Variants in GRB14 observed in about 807,000 individuals in gnomAD.
GRB14 encodes the protein growth factor receptor-bound protein 14.
GRB14 carries 38 observed loss-of-function variants against 69.1 expected under a neutral mutation model. That is an observed-to-expected ratio of 0.55 (90% confidence interval 0.42 to 0.72). The LOEUF is 0.72. Among genes scored for constraint, GRB14 ranks in the 30% least tolerant of loss-of-function variants. The probability of loss-of-function intolerance (pLI) is 0.00; values close to 1 mark genes in which losing one functional copy is unlikely to be tolerated. For missense variants in GRB14, 666 were observed against 666.1 expected, an observed-to-expected ratio of 1.00 and a Z score of 0.00; for synonymous variants, 247 against 241.3, an observed-to-expected ratio of 1.02 and a Z score of -0.22.
chr2:164,573,420 A>T (rs1021733864), intron 2 of GRB14, among the ~76,000 whole-genome samples: 6 of 152,194 alleles, frequency 3.9e-5, no homozygotes, highest in Non-Finnish European at 5.9e-5. Context: ...GAAAATGTAG[A>T]TATTCTTTCA....
At chr2:164,620,910 C>G (rs1690441903) in intron 1 of GRB14, among the ~76,000 whole-genome samples, 1 of 152,198 alleles carries the variant, frequency 6.6e-6, no homozygotes, top group Non-Finnish European at 1.5e-5. Flanking sequence ...TGAGAGCTCT[C>G]AATGAAACGG....
intron 6 of GRB14, among the ~76,000 whole-genome samples, chr2:164,515,040 C>T (rs1007734494): frequency 6.6e-6 from 1 of 152,164 alleles, no homozygotes; most frequent in East Asian, 1.9e-4. Context: ...CCATCCCCTA[C>T]AGCAGCCGCA....
rs565564245 is a variant in GRB14, at chr2:164,579,863, T to C, written c.325-32047A>G. ...AAGGAAAACAAGAGAACAGAGGAGATCATAAAGTGGTTATTTTTAATGTAT... is the reference window on the plus strand; with the variant it reads ...AAGGAAAACAAGAGAACAGAGGAGACCATAAAGTGGTTATTTTTAATGTAT... On this transcript the variant is annotated intron_variant, in intron 2 of 13. Transcript: ENST00000263915. 1.1e-4 allele frequency among the ~76,000 whole-genome samples: 17 copies of C among 152,220 alleles called. No homozygotes were observed. The East Asian group carries it at 3.3e-3, about 29-fold the overall frequency.
chr2:164,574,776 C>T (rs1280082427), intron 2 of GRB14, among the ~76,000 whole-genome samples: 1 of 151,548 alleles, frequency 6.6e-6, no homozygotes, highest in Non-Finnish European at 1.5e-5. Context: ...CCCTGTCTCT[C>T]TACAAAAAAT....
intron 3 of GRB14, among the ~76,000 whole-genome samples, chr2:164,543,904 T>C (rs575344520): frequency 6.6e-6 from 1 of 152,328 alleles, no homozygotes; most frequent in Non-Finnish European, 1.5e-5. Context: ...AGTACCTCAA[T>C]AGTGATTACT....
At chr2:164,527,220 T>TATAC (rs1302342705) in intron 3 of GRB14, 85 bp from the exon 4 acceptor site, 11 of 173,974 alleles carry the variant, frequency 6.3e-5, no homozygotes, top group East Asian at 3.9e-4. Flanking sequence ...TATATATATA[T>TATAC]ACACACACAG....
chr2:164,540,924 G>T (rs1688220172), intron 3 of GRB14, among the ~76,000 whole-genome samples: 1 of 152,118 alleles, frequency 6.6e-6, no homozygotes, highest in South Asian at 2.1e-4. Context: ...TGTGGAATCT[G>T]TAAAATGACA....
chr2:164,574,330 C>A (rs1334106319), intron 2 of GRB14, among the ~76,000 whole-genome samples: 1 of 151,822 alleles, frequency 6.6e-6, no homozygotes, highest in African/African-American at 2.4e-5. Context: ...CAACCTCCGC[C>A]TCCCGGGTTC....
chr2:164,546,161 T>C (rs1037387086), intron 3 of GRB14, among the ~76,000 whole-genome samples: 13 of 152,230 alleles, frequency 8.5e-5, no homozygotes, highest in Admixed American at 3.9e-4. Flanking sequence ...CAATTTGAGC[T>C]GTTTTAGGTC....
At chr2:164,534,779 G>T (rs1415994522) in intron 3 of GRB14, among the ~76,000 whole-genome samples, 1 of 152,060 alleles carries the variant, frequency 6.6e-6, no homozygotes. Context: ...GGGGCTCTTT[G>T]CTGCTATGTT....
chr2:164,573,736 T>G, intron 2 of GRB14: 1 of 1,607,344 alleles, frequency 6.2e-7, no homozygotes, highest in Non-Finnish European at 8.5e-7. Flanking sequence ...TTCTTCTCAA[T>G]ATTCATGCCC....
intron 9 of GRB14, among the ~76,000 whole-genome samples, chr2:164,498,897 C>G (rs1453379278): frequency 6.6e-6 from 1 of 152,138 alleles, no homozygotes; most frequent in Non-Finnish European, 1.5e-5. Flanking sequence ...ATCTGGCATG[C>G]AATCTTTCAT....
rs187751423 is a variant in GRB14, at chr2:164,515,330, C to T, written c.817-6478G>A. Reference sequence around the variant, plus strand: ...CCACTTCACTCCCCTGCCACCTTCACTGGAGCAGCTGCTGGTATCCATGGC... The same window carrying T: ...CCACTTCACTCCCCTGCCACCTTCATTGGAGCAGCTGCTGGTATCCATGGC... On this transcript the variant is annotated intron_variant, in intron 6 of 13. Transcript: ENST00000263915. 6.6e-5 allele frequency among the ~76,000 whole-genome samples: 10 copies of T among 152,338 alleles called. No individual in the cohort carries two copies. In the South Asian group the frequency reaches 1.2e-3, roughly 19 times the overall value.
intron 2 of GRB14, among the ~76,000 whole-genome samples, chr2:164,548,778 T>C (rs1305012298): frequency 6.6e-6 from 1 of 152,244 alleles, no homozygotes; most frequent in East Asian, 1.9e-4. Flanking sequence ...TAATATCTCA[T>C]AGTGGTTTTG....
At chr2:164,590,705 T>C (rs1348037183) in intron 2 of GRB14, among the ~76,000 whole-genome samples, 1 of 152,226 alleles carries the variant, frequency 6.6e-6, no homozygotes, top group Non-Finnish European at 1.5e-5. Context: ...TCTAAACCTA[T>C]GGTTGAAATC....
intron 2 of GRB14, among the ~76,000 whole-genome samples, chr2:164,600,948 C>T (rs1250533469): frequency 1.3e-5 from 2 of 151,842 alleles, no homozygotes; most frequent in East Asian, 1.9e-4. Flanking sequence ...AAATCTCTAC[C>T]GTCTCTGCAA....
chr2:164,502,333 A>G lies in GRB14; in HGVS notation c.1026T>C (p.Tyr342=). 2.6e-6 allele frequency: 4 copies of G among 1,532,528 alleles called. No individual in the cohort carries two copies. The highest frequency in any genetic ancestry group is 3.6e-6 in the Non-Finnish European group (4 of 1,108,030). 94.9% of individuals were successfully genotyped at this position (1,532,528 alleles called of 1,614,324 possible). A position where few individuals can be genotyped will look rare whatever the true frequency, so the allele number is the denominator to read the frequency against. ...CWVTAIRLLK[Y]GMQLYQNYMH... ...TATAATTCTGGTACAGCTGCATGCC[A>G]TACTGCAGAATAAATAAATAAAACA... Residue 342 remains tyrosine, a splice_region_variant and synonymous_variant, in exon 9 of 14, where the codon TAT becomes TAC. Transcript: ENST00000263915.
At position 164,505,172 on chromosome 2, in the gene GRB14, A is replaced by C. The variant is rs1236500960; in HGVS notation, c.1024-2837T>G. ...GGTGGTAATTTGTTACAGCAGTCAT[A>C]GAAAACCAACACAATGACGCATCTT... On this transcript the variant is annotated intron_variant, in intron 8 of 13. Transcript: ENST00000263915. 2.6e-5 allele frequency among the ~76,000 whole-genome samples: 4 copies of C among 152,224 alleles called. No individual in the cohort carries two copies. In the East Asian group the frequency reaches 7.7e-4, roughly 29 times the overall value.
intron 6 of GRB14, among the ~76,000 whole-genome samples, chr2:164,512,530 A>C (rs1244997799): frequency 2.6e-5 from 4 of 152,172 alleles, no homozygotes; most frequent in Non-Finnish European, 5.9e-5. Context: ...CAACCCAGGG[A>C]CTGGGGGAAC....
Sources: allele counts gnomAD v4.1 joint callset (sites outside exome capture counted in the v4.1 genomes callset), GRCh38; gene constraint gnomAD v4.1.1; transcripts MANE v1.5; gene names NCBI Gene and HGNC (gene_info 2026-07-23, HGNC 2026-07-21).